Variants in RNFT2 observed in about 807,000 individuals in gnomAD.
The protein encoded by RNFT2 is E3 ubiquitin-protein ligase RNFT2.
Under a neutral mutation model 53.0 loss-of-function variants are expected in RNFT2, and 36 were observed. The observed-to-expected ratio is 0.68, with a 90% CI of 0.52 to 0.90. RNFT2 has a LOEUF of 0.90. RNFT2 is among the 40% of genes least tolerant of loss of function. The pLI is 0.00. For synonymous variants in RNFT2, 260 were observed against 253.2 expected (o/e 1.03, Z -0.26); for missense variants, 514 against 585.6 (o/e 0.88, Z 1.26).
intron 7 of RNFT2, among the ~76,000 whole-genome samples, chr12:116,825,422 A>G (rs548351539): frequency 1.3e-5 from 2 of 152,366 alleles, no homozygotes; most frequent in South Asian, 4.1e-4. Flanking sequence ...CAGCAGTAAC[A>G]TAATGGCCAC....
chr12:116,753,129 C>A (rs1267700307), intron 4 of RNFT2, among the ~76,000 whole-genome samples: 5 of 131,390 alleles, frequency 3.8e-5, no homozygotes, highest in Admixed American at 3.2e-4. Context: ...TAAGTTTTTT[C>A]TTTTTCTTTT....
At chr12:116,810,946 A>G (rs1875341930) in intron 7 of RNFT2, among the ~76,000 whole-genome samples, 1 of 152,192 alleles carries the variant, frequency 6.6e-6, no homozygotes, top group Admixed American at 6.5e-5. Context: ...CTCAACTTTT[A>G]GCTTGTCCAG....
chr12:116,750,908 A>T (rs777437208), intron 4 of RNFT2, among the ~76,000 whole-genome samples: 36,840 of 69,622 alleles, frequency 0.53, 7,856 homozygotes, highest in African/African-American at 0.64. Context: ...ATATATATAT[A>T]TTTTTTTTTG....
chr12:116,745,122 G>A (rs1871832446), intron 3 of RNFT2, among the ~76,000 whole-genome samples: 1 of 151,734 alleles, frequency 6.6e-6, no homozygotes, highest in African/African-American at 2.4e-5. Flanking sequence ...CAGCAGGGGT[G>A]GGGCTTGGTG....
chr12:116,783,372 C>T (rs1479162571), intron 7 of RNFT2, among the ~76,000 whole-genome samples: 1 of 152,218 alleles, frequency 6.6e-6, no homozygotes, highest in Non-Finnish European at 1.5e-5. Context: ...TTGGCCTCCT[C>T]CTTGAAACAT....
chr12:116,788,826 A>AGATGGATGGACG, intron 7 of RNFT2, among the ~76,000 whole-genome samples: 1 of 150,068 alleles, frequency 6.7e-6, no homozygotes, highest in South Asian at 2.1e-4. Flanking sequence ...ATGGATGGAT[A>AGATGGATGGACG]GATGGATGGA....
chr12:116,758,284 T>C (rs1872578186), intron 5 of RNFT2, among the ~76,000 whole-genome samples: 1 of 152,224 alleles, frequency 6.6e-6, no homozygotes, highest in Non-Finnish European at 1.5e-5. Context: ...TGTGATTCTG[T>C]GTCTTTTAAG....
intron 7 of RNFT2, among the ~76,000 whole-genome samples, chr12:116,801,885 G>A (rs1482034586): frequency 2.6e-5 from 4 of 151,950 alleles, no homozygotes; most frequent in East Asian, 1.9e-4. Flanking sequence ...GCAGTGGTGC[G>A]ATCTTGGCTC....
chr12:116,811,679 G>A (rs117902853), intron 7 of RNFT2, among the ~76,000 whole-genome samples: 6,500 of 152,258 alleles, frequency 0.043, 201 homozygotes, highest in Non-Finnish European at 0.062. Flanking sequence ...CCCGGCATGC[G>A]TGCGCGTGCG....
At chr12:116,827,426 G>A (rs905516982) in intron 7 of RNFT2, among the ~76,000 whole-genome samples, 2 of 152,132 alleles carry the variant, frequency 1.3e-5, no homozygotes, top group Non-Finnish European at 2.9e-5. Context: ...GAAGAGCTTG[G>A]TGTCCTTAAG....
At chr12:116,781,897 T>C (rs1011170273) in intron 7 of RNFT2, among the ~76,000 whole-genome samples, 1 of 151,478 alleles carries the variant, frequency 6.6e-6, no homozygotes, top group Non-Finnish European at 1.5e-5. Flanking sequence ...GGCTACACGG[T>C]GAAACCCCGT....
At chr12:116,826,045 T>G (rs1592981647) in intron 7 of RNFT2, among the ~76,000 whole-genome samples, 1 of 152,296 alleles carries the variant, frequency 6.6e-6, no homozygotes, top group East Asian at 1.9e-4. Context: ...TGACAGATAC[T>G]TGATTATGCC....
At chr12:116,810,004 A>G (rs1232910631) in intron 7 of RNFT2, among the ~76,000 whole-genome samples, 3 of 152,126 alleles carry the variant, frequency 2.0e-5, no homozygotes, top group African/African-American at 7.2e-5. Context: ...TGCTGATTTG[A>G]GGAAACCAAG....
intron 7 of RNFT2, among the ~76,000 whole-genome samples, chr12:116,809,957 G>A (rs541201868): frequency 6.6e-6 from 1 of 152,142 alleles, no homozygotes; most frequent in South Asian, 2.1e-4. Flanking sequence ...TTGCAGACGT[G>A]AGCCACCGTG....
chr12:116,800,398 T>C (rs1295691940), intron 7 of RNFT2, among the ~76,000 whole-genome samples: 1 of 151,782 alleles, frequency 6.6e-6, no homozygotes, highest in Non-Finnish European at 1.5e-5. Context: ...TTTGGAAGGC[T>C]GAAGCGGGCA....
intron 3 of RNFT2, among the ~76,000 whole-genome samples, chr12:116,744,043 A>G (rs1372064583): frequency 6.6e-6 from 1 of 152,078 alleles, no homozygotes; most frequent in Non-Finnish European, 1.5e-5. Context: ...CCTGGCCAAC[A>G]TGCTGAAACC....
chr12:116,795,909 C>A (rs1874483449), intron 7 of RNFT2, among the ~76,000 whole-genome samples: 1 of 152,036 alleles, frequency 6.6e-6, no homozygotes. Flanking sequence ...GTGGTCATTT[C>A]TTTTTCTTTT....
intron 7 of RNFT2, among the ~76,000 whole-genome samples, chr12:116,816,259 T>C (rs753665307): frequency 2.0e-5 from 3 of 152,180 alleles, no homozygotes; most frequent in South Asian, 4.1e-4. Flanking sequence ...GCACGTGCGC[T>C]GGGCCCTTCC....
chr12:116,788,565 C>A (rs1457545281), intron 7 of RNFT2, among the ~76,000 whole-genome samples: 1 of 152,138 alleles, frequency 6.6e-6, no homozygotes, highest in Non-Finnish European at 1.5e-5. Context: ...TTCTGGCACC[C>A]ACCACTCTGA....
Sources: gnomAD v4.1 joint callset for allele counts (sites outside exome capture counted in the v4.1 genomes callset) on GRCh38, gnomAD v4.1.1 for gene constraint, MANE v1.5 for transcripts, NCBI Gene and HGNC (gene_info 2026-07-23, HGNC 2026-07-21) for gene names.